ROBO1: variants seen among roughly 807,000 people sequenced by gnomAD.
ROBO1 encodes roundabout homolog 1.
Under a neutral mutation model 195.9 loss-of-function variants are expected in ROBO1, and 149 were observed. The ratio of observed to expected loss-of-function variants is 0.76; its 90% CI spans 0.67 to 0.87. ROBO1 has a LOEUF of 0.87. Among genes scored for constraint, ROBO1 ranks in the 40% least tolerant of loss-of-function variants. ROBO1 has a pLI of 0.00. For missense variants in ROBO1, 1,933 were observed against 2,068.3 expected, an observed-to-expected ratio of 0.93 and a Z score of 1.27; for synonymous variants, 816 against 733.2, an observed-to-expected ratio of 1.11 and a Z score of -1.82.
At chr3:78,871,229 T>C (rs1265892102) in intron 4 of ROBO1, among the ~76,000 whole-genome samples, 1 of 152,144 alleles carries the variant, frequency 6.6e-6, no homozygotes, top group Non-Finnish European at 1.5e-5. Flanking sequence ...CAGGGAAGTG[T>C]CATAAAGCCT....
chr3:79,492,710 G>A (rs936275871), intron 2 of ROBO1, among the ~76,000 whole-genome samples: 38 of 151,952 alleles, frequency 2.5e-4, no homozygotes, highest in African/African-American at 6.0e-4. Flanking sequence ...TCAGAAATAC[G>A]TACTAAATAC....
At chr3:79,364,173 C>G (rs1404858180) in intron 2 of ROBO1, among the ~76,000 whole-genome samples, 1 of 151,562 alleles carries the variant, frequency 6.6e-6, no homozygotes, top group Non-Finnish European at 1.5e-5. Context: ...CCACTGCACT[C>G]TAGCCTGGGC....
At chr3:78,639,304 T>A (rs997564580) in intron 22 of ROBO1, among the ~76,000 whole-genome samples, 2 of 149,890 alleles carry the variant, frequency 1.3e-5, no homozygotes, top group Non-Finnish European at 1.5e-5. Context: ...TTAAAAAAAA[T>A]ATATAAAAAT....
intron 3 of ROBO1, among the ~76,000 whole-genome samples, chr3:79,070,145 A>T (rs955099263): frequency 1.3e-5 from 2 of 151,876 alleles, no homozygotes; most frequent in African/African-American, 4.8e-5. Flanking sequence ...TGAGAAAGAG[A>T]AGAATCTTTG....
At chr3:79,683,230 A>G (rs2106994751) in intron 1 of ROBO1, among the ~76,000 whole-genome samples, 1 of 152,156 alleles carries the variant, frequency 6.6e-6, no homozygotes, top group South Asian at 2.1e-4. Flanking sequence ...GAGAATTAAG[A>G]TAATTCAGTG....
intron 2 of ROBO1, among the ~76,000 whole-genome samples, chr3:79,473,830 C>T (rs1205009541): frequency 6.6e-6 from 1 of 151,810 alleles, no homozygotes. Flanking sequence ...TAAGAATACC[C>T]TTAATAAACA....
At chr3:79,063,870 T>C (rs972407901) in intron 3 of ROBO1, among the ~76,000 whole-genome samples, 4 of 151,810 alleles carry the variant, frequency 2.6e-5, no homozygotes, top group African/African-American at 9.7e-5. Flanking sequence ...ATCTAATCCA[T>C]ATGTGGAATC....
At chr3:79,142,885 T>C (rs949697666) in intron 2 of ROBO1, among the ~76,000 whole-genome samples, 10 of 152,090 alleles carry the variant, frequency 6.6e-5, no homozygotes, top group Admixed American at 1.3e-4. Flanking sequence ...AAGGAAATAT[T>C]ATAGAAATCA....
chr3:79,083,709 T>G (rs1350744720), intron 3 of ROBO1, among the ~76,000 whole-genome samples: 1 of 152,232 alleles, frequency 6.6e-6, no homozygotes, highest in Non-Finnish European at 1.5e-5. Context: ...AGTAATCTAC[T>G]GTAAATGAAA....
rs370959758 is a variant in ROBO1 at position 78,901,853 on chromosome 3, T to C, written c.499+36748A>G. 6.4e-3 allele frequency among the ~76,000 whole-genome samples: 982 copies of C among 152,332 alleles called. 3 individuals carry two copies. Among genetic ancestry groups the C allele is most frequent in the Middle Eastern group, 0.017 (5 of 294 alleles). On this transcript the variant is annotated intron_variant, in intron 4 of 30. Coordinates refer to ENST00000464233, the MANE Select transcript of ROBO1 (RefSeq NM_002941.4). ...TCCATTAGAGTGGCTACTTTTTCCA[T>C]TGTTTTCTTTCTGTCATTTACTCCT...
At chr3:79,369,490 T>A (rs754288722) in intron 2 of ROBO1, among the ~76,000 whole-genome samples, 7 of 152,190 alleles carry the variant, frequency 4.6e-5, no homozygotes, top group Admixed American at 1.3e-4. Context: ...TAAATAATCA[T>A]CCTTCATATT....
intron 4 of ROBO1, among the ~76,000 whole-genome samples, chr3:78,750,154 TA>T (rs2082753153): frequency 6.6e-6 from 1 of 151,796 alleles, no homozygotes; most frequent in African/African-American, 2.4e-5. Context: ...GTTTTTTCTT[TA>T]AAAAAAAGTG....
chr3:79,043,995 G>T (rs1435220251), intron 3 of ROBO1, among the ~76,000 whole-genome samples: 14 of 152,024 alleles, frequency 9.2e-5, no homozygotes, highest in Non-Finnish European at 2.1e-4. Flanking sequence ...AATTTACCTT[G>T]AGATATAGTA....
chr3:78,813,344 A>C (rs1324696144), intron 4 of ROBO1, among the ~76,000 whole-genome samples: 3 of 152,116 alleles, frequency 2.0e-5, no homozygotes, highest in Non-Finnish European at 4.4e-5. Flanking sequence ...CTTAAAGCTC[A>C]TGTTTGTAAA....
At chr3:78,633,682 T>G (rs1360049627) in intron 24 of ROBO1, among the ~76,000 whole-genome samples, 1 of 152,178 alleles carries the variant, frequency 6.6e-6, no homozygotes, top group African/African-American at 2.4e-5. Flanking sequence ...CAGACATGTT[T>G]CTTCTGGCTT....
Position 78,692,537 on chromosome 3 carries a change from C to T in ROBO1, c.1046-3765G>A, listed in dbSNP as rs2081198754. Among the ~76,000 whole-genome samples the T allele has an allele frequency of 2.0e-5, 3 of 151,248 alleles. No homozygotes were observed. In the South Asian group the frequency reaches 6.2e-4, roughly 31 times the overall value. On this transcript the variant is annotated intron_variant, in intron 8 of 30. Coordinates refer to ENST00000464233, the MANE Select transcript of ROBO1 (RefSeq NM_002941.4). The stretch of plus-strand genomic sequence containing the variant: ...TCACCCACCTCGGCCTCCCAATGTG[C>T]TGGGATTACAGGTGTGAGCCGCCAT...
At chr3:79,209,456 T>A (rs1239639804) in intron 2 of ROBO1, among the ~76,000 whole-genome samples, 1 of 151,902 alleles carries the variant, frequency 6.6e-6, no homozygotes, top group Non-Finnish European at 1.5e-5. Flanking sequence ...AACATGCATG[T>A]GCAAGTGTTT....
At chr3:79,301,341 G>A (rs2032945526) in intron 2 of ROBO1, among the ~76,000 whole-genome samples, 1 of 152,224 alleles carries the variant, frequency 6.6e-6, no homozygotes, top group East Asian at 1.9e-4. Context: ...CACCAATTCC[G>A]CACACAGTAC....
intron 1 of ROBO1, among the ~76,000 whole-genome samples, chr3:79,720,556 C>T (rs1702652203): frequency 6.6e-6 from 1 of 152,066 alleles, no homozygotes; most frequent in Admixed American, 6.6e-5. Flanking sequence ...GGTTTCCTAG[C>T]CATAAATTAC....
Sources: gnomAD v4.1 joint callset for allele counts (sites outside exome capture counted in the v4.1 genomes callset) on GRCh38, gnomAD v4.1.1 for gene constraint, MANE v1.5 for transcripts, NCBI Gene and HGNC (gene_info 2026-07-23, HGNC 2026-07-21) for gene names.